The following PGR variants were observed in gnomAD, a reference collection of about 807,000 sequenced individuals.
The protein encoded by PGR is progesterone receptor.
In PGR, 25 loss-of-function variants were observed where a neutral mutation model predicts 76.1. That is an observed-to-expected ratio of 0.33 (90% confidence interval 0.24 to 0.46). The LOEUF (loss-of-function observed/expected upper bound fraction) is 0.46, where lower values mean the gene tolerates loss of function less well. PGR is among the 20% of genes least tolerant of loss of function. The pLI is 1.00. For synonymous variants in PGR, 579 were observed against 535.0 expected (o/e 1.08, Z -1.14); for missense variants, 1,172 against 1,225.3 (o/e 0.96, Z 0.65).
Position 101,064,349 on chromosome 11 carries a change from A to C in PGR, c.1907-1597T>G, listed in dbSNP as rs1051476822. Among the ~76,000 whole-genome samples, 82 of 143,306 alleles carry C rather than the reference A, an allele frequency of 5.7e-4. 7 individuals are homozygous for C. Among genetic ancestry groups the C allele is most frequent in the East Asian group, 5.2e-3 (26 of 5,036 alleles). The allele number at this position is 143,306 out of a possible 152,430, so 94.0% of individuals were successfully genotyped here. ...TCCACCTCAAAAAAAAAAAAAAAAA[A>C]AAAAAAAAAAAAAAAAAAAAAACAG... On this transcript the variant is annotated intron_variant, in intron 3 of 7. Coordinates refer to ENST00000325455, the MANE Select transcript of PGR (RefSeq NM_000926.4).
At position 101,030,307 on chromosome 11, in the gene PGR, A is replaced by G. The variant is rs1859309597; in HGVS notation, c.*8809T>C. The G allele has an allele frequency of 1.3e-5, 3 of 224,976 alleles. No homozygotes were observed. Among genetic ancestry groups the G allele is most frequent in the Non-Finnish European group, 2.7e-5 (3 of 112,934 alleles). 13.9% of individuals were successfully genotyped at this position (224,976 alleles called of 1,614,324 possible). A position where few individuals can be genotyped will look rare whatever the true frequency, so the allele number is the denominator to read the frequency against. On this transcript the variant is annotated 3_prime_UTR_variant, in exon 8 of 8. Transcript: ENST00000325455. ...ACACAAAAAAATGTGAATATCTACC[A>G]TGTGCAAAACAGTCAAAGTATGTTA... is the stretch of plus-strand genomic sequence containing the variant.
chr11:101,070,091 G>C (rs1407176816), intron 3 of PGR, among the ~76,000 whole-genome samples: 1 of 152,116 alleles, frequency 6.6e-6, no homozygotes, highest in Non-Finnish European at 1.5e-5. Context: ...AACACAGAAG[G>C]TGGGTGATTT....
Position 101,050,319 on chromosome 11 carries a change from G to T in PGR, c.2358-260C>A, listed in dbSNP as rs11571238. ...ATACACAGTGACCAAGATTAACATTGTTTCTCACTTTTATTATCACACTTT... is the reference window on the plus strand; with the variant it reads ...ATACACAGTGACCAAGATTAACATTTTTTCTCACTTTTATTATCACACTTT... On this transcript the variant is annotated intron_variant, in intron 5 of 7. Transcript: ENST00000325455. Among the ~76,000 whole-genome samples the T allele has an allele frequency of 3.9e-3, 599 of 152,110 alleles. 6 individuals are homozygous for T. Among genetic ancestry groups the T allele is most frequent in the African/African-American group, 0.014 (561 of 41,506 alleles).
chr11:101,093,143 T>C (rs1383063528), intron 2 of PGR, among the ~76,000 whole-genome samples: 2 of 152,208 alleles, frequency 1.3e-5, no homozygotes, highest in African/African-American at 4.8e-5. Context: ...CTTATGTTCA[T>C]GTACACTCAC....
At chr11:101,095,570 C>A (rs1861808574) in intron 2 of PGR, among the ~76,000 whole-genome samples, 1 of 152,136 alleles carries the variant, frequency 6.6e-6, no homozygotes, top group Non-Finnish European at 1.5e-5. Context: ...CAAGGTCACA[C>A]AGTTAAAACA....
At chr11:101,067,829 G>T (rs1322776523) in intron 3 of PGR, among the ~76,000 whole-genome samples, 1 of 152,018 alleles carries the variant, frequency 6.6e-6, no homozygotes, top group Admixed American at 6.6e-5. Flanking sequence ...ATATTAGGCA[G>T]TAAGATCAAA....
At chr11:101,054,496 TA>T (rs1300301508) in intron 4 of PGR, among the ~76,000 whole-genome samples, 1 of 152,224 alleles carries the variant, frequency 6.6e-6, no homozygotes, top group African/African-American at 2.4e-5. Flanking sequence ...TAAGAGACTA[TA>T]AAAATGGGTA....
At chr11:101,112,282 T>C (rs1437523711) in intron 2 of PGR, among the ~76,000 whole-genome samples, 1 of 152,216 alleles carries the variant, frequency 6.6e-6, no homozygotes, top group Non-Finnish European at 1.5e-5. Flanking sequence ...AGTTTGTTTA[T>C]ATTTTAAGAT....
chr11:101,047,881 G>A (rs1432805239), intron 6 of PGR, among the ~76,000 whole-genome samples: 1 of 151,998 alleles, frequency 6.6e-6, no homozygotes, highest in African/African-American at 2.4e-5. Context: ...AAAGTGGAAC[G>A]GATATTTGCC....
chr11:101,092,878 T>C (rs1030058070), intron 2 of PGR, among the ~76,000 whole-genome samples: 1 of 152,166 alleles, frequency 6.6e-6, no homozygotes, highest in Non-Finnish European at 1.5e-5. Context: ...TTTTAAAAGA[T>C]CATGGGATTT....
chr11:101,081,783 C>A (rs1026195065), intron 3 of PGR, among the ~76,000 whole-genome samples: 28 of 152,174 alleles, frequency 1.8e-4, no homozygotes, highest in Admixed American at 1.8e-3. Flanking sequence ...AGCAAAAGAA[C>A]CATACCTGCT....
intron 3 of PGR, among the ~76,000 whole-genome samples, chr11:101,064,193 T>C (rs1219923042): frequency 1.3e-5 from 2 of 151,074 alleles, no homozygotes; most frequent in African/African-American, 4.9e-5. Context: ...TAGCTGGGTG[T>C]GGTGGTGGGC....
chr11:101,044,262 T>C (rs1311592822), intron 6 of PGR, among the ~76,000 whole-genome samples: 1 of 152,214 alleles, frequency 6.6e-6, no homozygotes, highest in African/African-American at 2.4e-5. Context: ...TACTTTGTTA[T>C]GGAAATGGCT....
At chr11:101,064,902 A>G (rs542084633) in intron 3 of PGR, among the ~76,000 whole-genome samples, 56 of 152,292 alleles carry the variant, frequency 3.7e-4, no homozygotes, top group African/African-American at 1.3e-3. Context: ...ACAAATACTT[A>G]CCATTGCATT....
intron 2 of PGR, among the ~76,000 whole-genome samples, chr11:101,096,225 T>G (rs960583433): frequency 2.6e-5 from 4 of 152,030 alleles, no homozygotes; most frequent in Non-Finnish European, 5.9e-5. Context: ...CCTTGAGGGG[T>G]TGGCACGACT....
At chr11:101,062,335 C>G (rs971845154) in intron 4 of PGR, 112 bp downstream of exon 4, 11 of 810,596 alleles carry the variant, frequency 1.4e-5, no homozygotes, top group Non-Finnish European at 2.3e-5. Context: ...CTATCACATA[C>G]TGTTTTATAT....
intron 4 of PGR, among the ~76,000 whole-genome samples, chr11:101,058,515 G>T (rs919674102): frequency 3.9e-5 from 6 of 152,194 alleles, no homozygotes; most frequent in Non-Finnish European, 7.3e-5. Context: ...ACTGATAATT[G>T]CAAGTAGTCT....
In PGR at chr11:101,030,376, A is replaced by G; in HGVS notation, c.*8740T>C. On this transcript the variant is annotated 3_prime_UTR_variant, in exon 8 of 8. Transcript: ENST00000325455. ...ACATAGAAAATAAGTATGTGATGAT[A>G]TCGTTAAAATACATGATCACTTAAT... The G allele has an allele frequency of 4.4e-6, 1 of 228,298 alleles. No individual in the cohort carries two copies. The highest frequency in any genetic ancestry group is 6.3e-5 in the East Asian group (1 of 15,900). 14.1% of individuals were successfully genotyped at this position (228,298 alleles called of 1,614,324 possible). A position where few individuals can be genotyped will look rare whatever the true frequency, so the allele number is the denominator to read the frequency against.
chr11:101,060,643 A>G (rs1218613112), intron 4 of PGR, among the ~76,000 whole-genome samples: 2 of 152,178 alleles, frequency 1.3e-5, no homozygotes, highest in Non-Finnish European at 2.9e-5. Context: ...AATTCATTCA[A>G]TAGTGCTATT....
Sources: gnomAD v4.1 joint callset for allele counts (sites outside exome capture counted in the v4.1 genomes callset) on GRCh38, gnomAD v4.1.1 for gene constraint, MANE v1.5 for transcripts, NCBI Gene and HGNC (gene_info 2026-07-23, HGNC 2026-07-21) for gene names.